ELMO1: variants seen among roughly 807,000 people sequenced by gnomAD.
ELMO1 encodes engulfment and cell motility protein 1.
Under a neutral mutation model 98.9 loss-of-function variants are expected in ELMO1, and 26 were observed. The observed-to-expected ratio is 0.26, with a 90% confidence interval of 0.19 to 0.36. The LOEUF is 0.36. ELMO1 is among the 10% of genes least tolerant of loss of function. The pLI, the probability that ELMO1 is intolerant of heterozygous loss-of-function variation, is 1.00. For missense variants in ELMO1, 627 were observed against 935.2 expected, an observed-to-expected ratio of 0.67 and a Z score of 4.30; for synonymous variants, 346 against 346.0, an observed-to-expected ratio of 1.00 and a Z score of 0.00.
chr7:37,174,726 G>T (rs1319160928), intron 13 of ELMO1, among the ~76,000 whole-genome samples: 1 of 152,114 alleles, frequency 6.6e-6, no homozygotes, highest in Non-Finnish European at 1.5e-5. Flanking sequence ...ATGATCTGTG[G>T]CTGGCACACT....
intron 4 of ELMO1, among the ~76,000 whole-genome samples, chr7:37,298,177 A>C (rs1798144936): frequency 6.6e-6 from 1 of 152,130 alleles, no homozygotes; most frequent in Admixed American, 6.5e-5. Context: ...AGCATCTAAA[A>C]ATCTAAACCT....
chr7:37,177,215 CTG>C (rs1239201937), intron 13 of ELMO1, among the ~76,000 whole-genome samples: 2 of 152,202 alleles, frequency 1.3e-5, no homozygotes, highest in East Asian at 1.9e-4. Context: ...TTTCTGTGCC[CTG>C]TCAAGAAAAC....
At chr7:37,327,521 T>C (rs940148616) in intron 2 of ELMO1, among the ~76,000 whole-genome samples, 7 of 152,218 alleles carry the variant, frequency 4.6e-5, no homozygotes, top group African/African-American at 1.4e-4. Context: ...GAACCTGAGA[T>C]TGAAAGTAAG....
At chr7:37,334,876 T>C (rs2700995) in intron 2 of ELMO1, among the ~76,000 whole-genome samples, 70,549 of 152,168 alleles carry the variant, frequency 0.46, 17,172 homozygotes, top group Non-Finnish European at 0.56. Context: ...TTTTAGGGAA[T>C]TAAACCCTTC....
At chr7:37,323,511 T>C (rs2131154280) in intron 2 of ELMO1, among the ~76,000 whole-genome samples, 1 of 152,282 alleles carries the variant, frequency 6.6e-6, no homozygotes, top group African/African-American at 2.4e-5. Flanking sequence ...CTGAGCAACA[T>C]GGTGAAACTC....
intron 16 of ELMO1, among the ~76,000 whole-genome samples, chr7:37,000,349 G>A (rs190489418): frequency 7.9e-5 from 12 of 152,240 alleles, no homozygotes; most frequent in Admixed American, 4.6e-4. Flanking sequence ...CAGCTCAAGC[G>A]GCAAAAAGCC....
At chr7:37,438,473 G>A (rs1314930334) in intron 1 of ELMO1, among the ~76,000 whole-genome samples, 1 of 151,390 alleles carries the variant, frequency 6.6e-6, no homozygotes, top group Non-Finnish European at 1.5e-5. Flanking sequence ...GGTGGCGGGA[G>A]CCTGTAGTCC....
At chr7:37,014,596 C>T (rs146500821) in intron 15 of ELMO1, among the ~76,000 whole-genome samples, 2 of 152,226 alleles carry the variant, frequency 1.3e-5, no homozygotes, top group East Asian at 3.9e-4. Flanking sequence ...CATGCATTAG[C>T]TATTTGTCCT....
chr7:36,898,287 A>C (rs894110196), intron 16 of ELMO1, among the ~76,000 whole-genome samples: 4 of 152,100 alleles, frequency 2.6e-5, no homozygotes, highest in African/African-American at 7.2e-5. Flanking sequence ...TGTTTGAAAA[A>C]CCCACAGACG....
chr7:37,388,913 T>G (rs1802942853), intron 1 of ELMO1, among the ~76,000 whole-genome samples: 1 of 152,162 alleles, frequency 6.6e-6, no homozygotes, highest in South Asian at 2.1e-4. Flanking sequence ...CACAAAATAA[T>G]CCAATACACA....
chr7:37,391,030 TC>T (rs1427720591), intron 1 of ELMO1, among the ~76,000 whole-genome samples: 1 of 148,984 alleles, frequency 6.7e-6, no homozygotes, highest in Non-Finnish European at 1.5e-5. Context: ...CTTCCTTCCT[TC>T]CTTCCTTCCT....
intron 7 of ELMO1, among the ~76,000 whole-genome samples, chr7:37,235,516 A>T (rs2392485): frequency 8.0e-6 from 1 of 124,524 alleles, no homozygotes; most frequent in Non-Finnish European, 2.0e-5. Flanking sequence ...AAAAATTCCC[A>T]TATACACGCC....
intron 15 of ELMO1, among the ~76,000 whole-genome samples, chr7:37,032,259 T>G (rs569462088): frequency 1.8e-4 from 27 of 152,248 alleles, no homozygotes; most frequent in African/African-American, 6.5e-4. Flanking sequence ...TTGAAAAACA[T>G]CTAAGGGAGC....
At chr7:37,425,541 T>G (rs376293609) in intron 1 of ELMO1, among the ~76,000 whole-genome samples, 2 of 152,228 alleles carry the variant, frequency 1.3e-5, no homozygotes, top group East Asian at 3.8e-4. Flanking sequence ...CCCAGCATGC[T>G]TGGCACATGG....
At chr7:37,140,380 C>A (rs528756044) in intron 13 of ELMO1, among the ~76,000 whole-genome samples, 1 of 150,486 alleles carries the variant, frequency 6.6e-6, no homozygotes, top group Non-Finnish European at 1.5e-5. Flanking sequence ...AGTGAGACTC[C>A]GTCTCAAAAA....
At chr7:37,083,480 T>C (rs556466917) in intron 15 of ELMO1, among the ~76,000 whole-genome samples, 2 of 150,248 alleles carry the variant, frequency 1.3e-5, no homozygotes, top group African/African-American at 4.9e-5. Flanking sequence ...ACTCACTCTA[T>C]AAAAAAAAAC....
At position 37,170,615 on chromosome 7, in the gene ELMO1, CT is replaced by C. The variant is rs543000463; in HGVS notation, c.1087-37382del. ...CTCTCTCTTTCTCCTTCCTTGCTTG[CT>C]TTTTTTTTTTTTTGTCAGAGTCTCA... is the stretch of plus-strand genomic sequence containing the variant. On this transcript the variant is annotated intron_variant, in intron 13 of 21. Coordinates refer to ENST00000310758, the MANE Select transcript of ELMO1 (RefSeq NM_014800.11). Among the ~76,000 whole-genome samples the C allele has an allele frequency of 2.4e-3, 335 of 137,814 alleles. 2 individuals carry two copies. The highest frequency in any genetic ancestry group is 0.019 in the Middle Eastern group (5 of 268). 90.4% of individuals were successfully genotyped at this position (137,814 alleles called of 152,430 possible).
At chr7:37,186,234 A>G (rs1054012215) in intron 13 of ELMO1, among the ~76,000 whole-genome samples, 1 of 152,176 alleles carries the variant, frequency 6.6e-6, no homozygotes, top group Non-Finnish European at 1.5e-5. Flanking sequence ...TCAGCAAATA[A>G]TGCTAGGAAA....
intron 1 of ELMO1, among the ~76,000 whole-genome samples, chr7:37,443,134 G>C (rs1805476343): frequency 6.6e-6 from 1 of 152,140 alleles, no homozygotes; most frequent in Admixed American, 6.5e-5. Context: ...CCTCCACTGA[G>C]AGAATGCTTT....
Sources: gnomAD v4.1 joint callset for allele counts (sites outside exome capture counted in the v4.1 genomes callset) on GRCh38, gnomAD v4.1.1 for gene constraint, MANE v1.5 for transcripts, NCBI Gene and HGNC (gene_info 2026-07-23, HGNC 2026-07-21) for gene names.